The following PDE1A variants were observed in gnomAD, a reference collection of about 807,000 sequenced individuals.
PDE1A encodes dual specificity calcium/calmodulin-dependent 3',5'-cyclic nucleotide phosphodiesterase 1A.
PDE1A carries 35 observed loss-of-function variants against 61.7 expected under a neutral mutation model. That is an observed-to-expected ratio of 0.57 (90% CI 0.43 to 0.75). The LOEUF (loss-of-function observed/expected upper bound fraction) is 0.75. PDE1A is among the 30% of genes least tolerant of loss of function. The probability of loss-of-function intolerance (pLI) is 0.00; values close to 1 mark genes in which losing one functional copy is unlikely to be tolerated. For synonymous variants in PDE1A, 232 were observed against 213.2 expected (o/e 1.09, Z -0.77); for missense variants, 597 against 630.6 (o/e 0.95, Z 0.57).
At chr2:182,377,570 C>T (rs377333930) in intron 1 of PDE1A, among the ~76,000 whole-genome samples, 1 of 152,134 alleles carries the variant, frequency 6.6e-6, no homozygotes, top group Non-Finnish European at 1.5e-5. Context: ...TAGAACTCTC[C>T]TAAATTGCTA....
At chr2:182,285,732 C>G (rs1694114580) in intron 1 of PDE1A, among the ~76,000 whole-genome samples, 1 of 152,012 alleles carries the variant, frequency 6.6e-6, no homozygotes, top group African/African-American at 2.4e-5. Flanking sequence ...CATACATATT[C>G]CAAGTAGTAG....
chr2:182,376,247 C>A (rs1700396463), intron 1 of PDE1A, among the ~76,000 whole-genome samples: 5 of 152,162 alleles, frequency 3.3e-5, no homozygotes, highest in Non-Finnish European at 7.3e-5. Flanking sequence ...TCTGAACTTT[C>A]ATACTCTTCT....
At chr2:182,201,927 A>G (rs1686692414) in intron 8 of PDE1A, 138 bp from the exon 9 acceptor site, 17 of 616,098 alleles carry the variant, frequency 2.8e-5, no homozygotes, top group Non-Finnish European at 4.8e-5. Context: ...TTTAAATGTG[A>G]AAGTCCACAC....
chr2:182,239,901 T>G (rs1690360913), intron 3 of PDE1A, among the ~76,000 whole-genome samples: 1 of 152,168 alleles, frequency 6.6e-6, no homozygotes, highest in African/African-American at 2.4e-5. Context: ...CATGTCAACT[T>G]AAAATAAATA....
chr2:182,158,250 T>C (rs1260531731), intron 13 of PDE1A, among the ~76,000 whole-genome samples: 10 of 152,204 alleles, frequency 6.6e-5, no homozygotes, highest in East Asian at 1.9e-4. Flanking sequence ...AAGTACTTTA[T>C]TGATCTACAA....
At chr2:182,229,244 T>A (rs1689375194) in intron 6 of PDE1A, among the ~76,000 whole-genome samples, 1 of 152,080 alleles carries the variant, frequency 6.6e-6, no homozygotes, top group East Asian at 1.9e-4. Context: ...TCTGGTTGCC[T>A]CCTAGGCTGA....
At chr2:182,221,875 T>G (rs1688757531) in intron 7 of PDE1A, among the ~76,000 whole-genome samples, 1 of 152,028 alleles carries the variant, frequency 6.6e-6, no homozygotes, top group African/African-American at 2.4e-5. Flanking sequence ...CTCGAGGTCT[T>G]CATTTTCTAT....
intron 1 of PDE1A, among the ~76,000 whole-genome samples, chr2:182,343,648 T>C (rs11678230): frequency 0.33 from 50,269 of 152,050 alleles, 10,037 homozygotes; most frequent in Middle Eastern, 0.46. Flanking sequence ...GTTTTTGCAA[T>C]ATACTTATCA....
At chr2:182,275,458 T>A (rs1212267218) in intron 1 of PDE1A, among the ~76,000 whole-genome samples, 13 of 152,108 alleles carry the variant, frequency 8.5e-5, no homozygotes, top group Non-Finnish European at 1.5e-5. Flanking sequence ...CACAGGCTAG[T>A]AGGCCCAGAA....
chr2:182,179,930 A>G (rs1264886155), intron 13 of PDE1A, among the ~76,000 whole-genome samples: 2 of 152,354 alleles, frequency 1.3e-5, no homozygotes, highest in South Asian at 2.1e-4. Flanking sequence ...TATCTGTGAA[A>G]TAGAGCTTAA....
chr2:182,149,732 C>T (rs1690679417), intron 13 of PDE1A, among the ~76,000 whole-genome samples: 1 of 152,102 alleles, frequency 6.6e-6, no homozygotes, highest in African/African-American at 2.4e-5. Context: ...AAACAATTTG[C>T]ATTTTCAATC....
chr2:182,186,537 G>A, exon 12 of PDE1A: 1 of 1,612,552 alleles, frequency 6.2e-7, no homozygotes, highest in Non-Finnish European at 8.5e-7. Flanking sequence ...AATTTTCTCT[G>A]TTGAGTCTGT....
At chr2:182,347,882 G>C (rs564315473) in intron 1 of PDE1A, among the ~76,000 whole-genome samples, 1 of 152,048 alleles carries the variant, frequency 6.6e-6, no homozygotes, top group Non-Finnish European at 1.5e-5. Flanking sequence ...AATTAAAAAG[G>C]GTTTATGCTA....
At chr2:182,405,055 C>T (rs930230325) in intron 1 of PDE1A, among the ~76,000 whole-genome samples, 3 of 152,196 alleles carry the variant, frequency 2.0e-5, no homozygotes, top group Non-Finnish European at 2.9e-5. Flanking sequence ...TCACCACAAA[C>T]ATGTGAGTAA....
chr2:182,354,727 G>A (rs749428561), intron 1 of PDE1A, among the ~76,000 whole-genome samples: 38 of 151,856 alleles, frequency 2.5e-4, no homozygotes, highest in Non-Finnish European at 4.6e-4. Context: ...ATTTAAAGGT[G>A]GACATTTAAT....
At chr2:182,614,651 G>C in the PDE1A span, among the ~76,000 whole-genome samples, 1 of 150,264 alleles carries the variant, frequency 6.7e-6, no homozygotes, top group African/African-American at 2.5e-5. Context: ...TCCACCTCCT[G>C]GGTTCAAGCA....
At chr2:182,181,022 G>C (rs933388499) in intron 13 of PDE1A, among the ~76,000 whole-genome samples, 1 of 151,672 alleles carries the variant, frequency 6.6e-6, no homozygotes, top group Non-Finnish European at 1.5e-5. Flanking sequence ...TCTTTGCATT[G>C]GGTTAGAACA....
At chr2:182,278,597 G>A (rs1263724483) in intron 1 of PDE1A, among the ~76,000 whole-genome samples, 4 of 151,908 alleles carry the variant, frequency 2.6e-5, no homozygotes, top group Non-Finnish European at 4.4e-5. Flanking sequence ...TAGAAATGTT[G>A]TTTATGTATT....
chr2:182,567,751 G>T, the PDE1A span, among the ~76,000 whole-genome samples: 1 of 149,100 alleles, frequency 6.7e-6, no homozygotes, highest in African/African-American at 2.5e-5. Context: ...TTTATATAAC[G>T]TATAAATCAT....
Sources: allele counts gnomAD v4.1 joint callset (sites outside exome capture counted in the v4.1 genomes callset), GRCh38; gene constraint gnomAD v4.1.1; transcripts MANE v1.5; gene names NCBI Gene and HGNC (gene_info 2026-07-23, HGNC 2026-07-21).